The following XNDC1N variants were observed in gnomAD, a reference collection of about 807,000 sequenced individuals.
XNDC1N encodes XRCC1 N-terminal domain containing 1, N-terminal like.
the XNDC1N span, among the ~76,000 whole-genome samples, chr11:71,882,796 G>T: frequency 6.6e-6 from 1 of 152,050 alleles, no homozygotes. Context: ...GTTGGGGGGT[G>T]GGAATGAGTA....
the XNDC1N span, among the ~76,000 whole-genome samples, chr11:71,890,362 C>G: frequency 2.6e-5 from 4 of 152,126 alleles, no homozygotes; most frequent in African/African-American, 9.6e-5. Flanking sequence ...CTGGATATGA[C>G]GAACAATATC....
chr11:71,879,501 A>G, the XNDC1N span, among the ~76,000 whole-genome samples: 3 of 152,174 alleles, frequency 2.0e-5, no homozygotes, highest in African/African-American at 7.2e-5. Context: ...ATACTTCACA[A>G]TTCAAGATTC....
the XNDC1N span, among the ~76,000 whole-genome samples, chr11:71,908,566 T>C: frequency 8.6e-5 from 13 of 151,980 alleles, no homozygotes; most frequent in Non-Finnish European, 1.9e-4. Flanking sequence ...ATATACTGGG[T>C]TAGATGAGGA....
chr11:71,917,554 T>C, the XNDC1N span: 2 of 703,708 alleles, frequency 2.8e-6, no homozygotes, highest in South Asian at 3.0e-5. Context: ...CTCACAGTCC[T>C]CTTTAGTACT....
At chr11:71,868,592 T>A in the XNDC1N span, among the ~76,000 whole-genome samples, 2 of 152,228 alleles carry the variant, frequency 1.3e-5, no homozygotes, top group Non-Finnish European at 2.9e-5. Flanking sequence ...TCTTTAAGAA[T>A]GCTGAATGTA....
chr11:71,905,937 C>T, the XNDC1N span, among the ~76,000 whole-genome samples: 2 of 152,028 alleles, frequency 1.3e-5, no homozygotes, highest in African/African-American at 2.4e-5. Context: ...GAAGGCTGTA[C>T]ACCACCTGTG....
At chr11:71,903,513 G>A in the XNDC1N span, 2 of 724,390 alleles carry the variant, frequency 2.8e-6, no homozygotes, top group Non-Finnish European at 5.0e-6. Flanking sequence ...CATTTTTGGA[G>A]GCAGGGAAGA....
At chr11:71,921,058 C>T in the XNDC1N span, among the ~76,000 whole-genome samples, 1 of 151,882 alleles carries the variant, frequency 6.6e-6, no homozygotes, top group South Asian at 2.1e-4. Flanking sequence ...AATCATGGCT[C>T]GCTGCAGCCT....
chr11:71,886,087 AGAGAGCAGCCG>A, the XNDC1N span, among the ~76,000 whole-genome samples: 88 of 152,254 alleles, frequency 5.8e-4, no homozygotes, highest in African/African-American at 2.0e-3. Flanking sequence ...AATGCCCCTG[AGAGAGCAGCCG>A]TAGACTGGGA....
chr11:71,924,101 A>G, the XNDC1N span, among the ~76,000 whole-genome samples: 2 of 152,204 alleles, frequency 1.3e-5, no homozygotes, highest in South Asian at 2.1e-4. Flanking sequence ...ATAGGCAACA[A>G]ATGTTTGACT....
chr11:71,908,965 C>A, the XNDC1N span, among the ~76,000 whole-genome samples: 1 of 152,082 alleles, frequency 6.6e-6, no homozygotes. Context: ...ATGAGGGGAG[C>A]TCAGAAGGCC....
the XNDC1N span, chr11:71,926,028 T>C: frequency 2.3e-3 from 349 of 152,116 alleles, no homozygotes; most frequent in Middle Eastern, 6.8e-3. Context: ...TCCCAGCACA[T>C]TGGGAGGCCG....
chr11:71,865,590 A>G, the XNDC1N span: 1 of 168,586 alleles, frequency 5.9e-6, no homozygotes, highest in East Asian at 1.8e-4. Flanking sequence ...TGGCTATTCC[A>G]TAGGCAGAGG....
At chr11:71,898,742 G>A in the XNDC1N span, among the ~76,000 whole-genome samples, 4 of 152,152 alleles carry the variant, frequency 2.6e-5, no homozygotes, top group Admixed American at 1.3e-4. Context: ...CTTGGTGAAT[G>A]GGTGCAATTT....
chr11:71,889,050 C>T, the XNDC1N span, among the ~76,000 whole-genome samples: 1 of 152,136 alleles, frequency 6.6e-6, no homozygotes, highest in East Asian at 1.9e-4. Flanking sequence ...CAGGGGTAAC[C>T]CTGGACACTG....
the XNDC1N span, among the ~76,000 whole-genome samples, chr11:71,897,326 A>G: frequency 6.6e-6 from 1 of 152,266 alleles, no homozygotes; most frequent in Admixed American, 6.5e-5. Flanking sequence ...TGCAAAGCAT[A>G]TATCTGAAAA....
the XNDC1N span, among the ~76,000 whole-genome samples, chr11:71,898,937 C>T: frequency 6.6e-6 from 1 of 151,470 alleles, no homozygotes; most frequent in African/African-American, 2.4e-5. Flanking sequence ...GTATATTTTC[C>T]CATAATAAAA....
the XNDC1N span, among the ~76,000 whole-genome samples, chr11:71,887,080 T>A: frequency 6.6e-6 from 1 of 152,132 alleles, no homozygotes; most frequent in Non-Finnish European, 1.5e-5. Flanking sequence ...GTTCTTGAAC[T>A]GAGGGAGACA....
At chr11:71,911,963 T>C in the XNDC1N span, among the ~76,000 whole-genome samples, 1 of 152,078 alleles carries the variant, frequency 6.6e-6, no homozygotes, top group African/African-American at 2.4e-5. Context: ...GGAAGGACAA[T>C]TGATGGAGGA....
Sources: gnomAD v4.1 joint callset for allele counts (sites outside exome capture counted in the v4.1 genomes callset) on GRCh38, gnomAD v4.1.1 for gene constraint, MANE v1.5 for transcripts, NCBI Gene and HGNC (gene_info 2026-07-23, HGNC 2026-07-21) for gene names.